CYLD: variants seen among roughly 807,000 people sequenced by gnomAD.
CYLD encodes CYLD lysine 63 deubiquitinase, also known as ubiquitin carboxyl-terminal hydrolase CYLD.
A neutral mutation model predicts 104.5 loss-of-function variants in CYLD; 26 were observed. That is an observed-to-expected ratio of 0.25 (90% confidence interval 0.18 to 0.35). The LOEUF is 0.35. Among genes scored for constraint, CYLD ranks in the 10% least tolerant of loss-of-function variants. The pLI, the probability that CYLD is intolerant of heterozygous loss-of-function variation, is 1.00. For synonymous variants in CYLD, 385 were observed against 399.9 expected (o/e 0.96, Z 0.45); for missense variants, 703 against 1,136.1 (o/e 0.62, Z 5.48).
At chr16:50,777,005 C>T (rs560946428) in intron 7 of CYLD, among the ~76,000 whole-genome samples, 1 of 152,164 alleles carries the variant, frequency 6.6e-6, no homozygotes, top group South Asian at 2.1e-4. Flanking sequence ...TTATGTTAAC[C>T]TATAGATCTA....
chr16:50,750,284 C>A, intron 3 of CYLD, 82 bp downstream of exon 3: 3 of 1,479,934 alleles, frequency 2.0e-6, no homozygotes, highest in Non-Finnish European at 2.8e-6. Flanking sequence ...ACATATTTTT[C>A]TCCTTAAATA....
At position 50,800,425 on chromosome 16, in the gene CYLD, T is replaced by A. The variant is rs1339544569; in HGVS notation, c.*3917T>A. ...GGGTACTTGGATGTTTATCATACTG[T>A]TTCTCTGTGTTTACATACTAATTTG... On this transcript the variant is annotated 3_prime_UTR_variant, in exon 19 of 19. Coordinates refer to ENST00000427738, the MANE Select transcript of CYLD (RefSeq NM_001378743.1). The A allele has an allele frequency of 8.6e-6, 2 of 233,264 alleles. No individual in the cohort carries two copies. The highest frequency in any genetic ancestry group is 1.7e-5 in the Non-Finnish European group (2 of 118,034). 14.4% of individuals were successfully genotyped at this position (233,264 alleles called of 1,614,324 possible).
In CYLD at chr16:50,794,500, C is replaced by G; in HGVS notation, c.2686+72C>G. 7.3e-7 allele frequency: 1 copy of G among 1,364,176 alleles called. No individual in the cohort carries two copies. Among genetic ancestry groups the G allele is most frequent in the Non-Finnish European group, 1.0e-6 (1 of 954,908 alleles). 84.5% of individuals were successfully genotyped at this position (1,364,176 alleles called of 1,614,324 possible). A position where few individuals can be genotyped will look rare whatever the true frequency, so the allele number is the denominator to read the frequency against. ...GTAGTGGGACAGTTTGTAGTGGGAT[C>G]GCCTGTTCTGAGTGATATTTTCTGA... is the stretch of plus-strand genomic sequence containing the variant. On this transcript the variant is annotated intron_variant, in intron 18 of 18. Transcript: ENST00000427738. The surrounding 1 kb of genome is among the most constrained non-coding windows in gnomAD (Gnocchi z 4.1).
intron 5 of CYLD, among the ~76,000 whole-genome samples, chr16:50,760,851 T>G (rs906414017): frequency 2.6e-5 from 4 of 152,204 alleles, no homozygotes; most frequent in African/African-American, 9.7e-5. Context: ...TGCGTTGGTA[T>G]TGTTCTGGAT....
At chr16:50,784,722 A>G in intron 12 of CYLD, 1 of 376,650 alleles carries the variant, frequency 2.7e-6, no homozygotes, top group South Asian at 2.4e-5. Context: ...CAATTGCAGT[A>G]TGTTTAGGAA....
At chr16:50,769,536 G>A (rs944819997) in intron 5 of CYLD, among the ~76,000 whole-genome samples, 7 of 152,130 alleles carry the variant, frequency 4.6e-5, no homozygotes, top group Admixed American at 3.9e-4. Flanking sequence ...ATTGGGTTTT[G>A]AGAGTTATTT....
chr16:50,795,253 G>C (rs952254643), intron 18 of CYLD, among the ~76,000 whole-genome samples: 1 of 152,218 alleles, frequency 6.6e-6, no homozygotes, highest in Non-Finnish European at 1.5e-5. Flanking sequence ...GCCAAAAGCT[G>C]AGAGCAGAAG....
chr16:50,751,458 C>CA (rs1480758540), intron 3 of CYLD, 146 bp from the exon 4 acceptor site: 1 of 586,820 alleles, frequency 1.7e-6, no homozygotes, highest in African/African-American at 1.9e-5. Context: ...CTAAATCCAA[C>CA]AGAAACTGCT....
At chr16:50,776,326 T>G (rs1010157682) in intron 7 of CYLD, 49 bp downstream of exon 7, 3 of 1,248,606 alleles carry the variant, frequency 2.4e-6, no homozygotes, top group African/African-American at 2.9e-5. Context: ...AATGCCTAAC[T>G]TGCCATAGCA....
At chr16:50,775,757 T>G (rs1157532710) in intron 6 of CYLD, among the ~76,000 whole-genome samples, 1 of 152,214 alleles carries the variant, frequency 6.6e-6, no homozygotes, top group Non-Finnish European at 1.5e-5. Flanking sequence ...TTATCTTTGT[T>G]TATCTCAGCA....
At chr16:50,742,901 G>A (rs1273609092) in intron 2 of CYLD, 60 bp downstream of exon 2, 5 of 392,294 alleles carry the variant, frequency 1.3e-5, no homozygotes, top group African/African-American at 2.1e-5. Flanking sequence ...GGGGCGAATG[G>A]GGGGCGGGGG....
intron 3 of CYLD, 56 bp downstream of exon 3, chr16:50,750,258 G>C: frequency 6.3e-7 from 1 of 1,578,910 alleles, no homozygotes; most frequent in Non-Finnish European, 8.7e-7. Flanking sequence ...GTGTGTCTGT[G>C]TATTTGTATG....
At chr16:50,771,343 T>C (rs150197595) in intron 5 of CYLD, among the ~76,000 whole-genome samples, 1 of 152,248 alleles carries the variant, frequency 6.6e-6, no homozygotes, top group East Asian at 1.9e-4. Context: ...ATCAGTACTC[T>C]AACCTTCTTT....
chr16:50,791,583 T>A lies in CYLD; in HGVS notation c.2134T>A (p.Cys712Ser). The A allele has an allele frequency of 6.2e-7, 1 of 1,613,894 alleles. No individual in the cohort carries two copies. The highest frequency in any genetic ancestry group is 8.5e-7 in the Non-Finnish European group (1 of 1,179,854). ...ATCAGCAGGTCAAAAGGTACAAGATTGTTACTTCTATCAAATTTTTATGGA... is the reference window on the plus strand; with the variant it reads ...ATCAGCAGGTCAAAAGGTACAAGATAGTTACTTCTATCAAATTTTTATGGA... ...IRSAGQKVQD[C>S]YFYQIFMEKN... The change falls in exon 15 of 19, where the codon TGT becomes AGT. Residue 712 changes from cysteine (C) to serine (S), a missense_variant. Physicochemically the swap from Cys to Ser is moderately radical, Grantham distance 112. Transcript: ENST00000427738.
At chr16:50,791,725 A>G in intron 15 of CYLD, 35 bp downstream of exon 15, 1 of 1,608,554 alleles carries the variant, frequency 6.2e-7, no homozygotes, top group Non-Finnish European at 8.5e-7. Flanking sequence ...TTTATGTGAA[A>G]GTCTGTGGGA....
intron 8 of CYLD, 27 bp from the exon 9 acceptor site, chr16:50,779,637 AT>A (rs763834010): frequency 1.2e-6 from 2 of 1,609,912 alleles, no homozygotes; most frequent in African/African-American, 1.3e-5. Context: ...CCTTGAATAC[AT>A]TTCTGTAATT....
intron 3 of CYLD, among the ~76,000 whole-genome samples, chr16:50,751,370 C>A (rs1382007060): frequency 2.0e-5 from 3 of 152,166 alleles, no homozygotes; most frequent in South Asian, 4.1e-4. Context: ...CTAGCTTTCT[C>A]ATGATAGAGT....
intron 5 of CYLD, among the ~76,000 whole-genome samples, chr16:50,757,493 A>G (rs964054831): frequency 2.6e-5 from 4 of 152,102 alleles, no homozygotes; most frequent in African/African-American, 9.7e-5. Flanking sequence ...AGGAAAAAGC[A>G]TATATGTGCT....
At position 50,800,157 on chromosome 16, in the gene CYLD, C is replaced by A. The variant is rs1454896122; in HGVS notation, c.*3649C>A. ...ACCTCTTGAGCTTTAGTTTCCTCCT[C>A]TGCATAATGAGAGGGTTAGACTACT... On this transcript the variant is annotated 3_prime_UTR_variant, in exon 19 of 19. Coordinates refer to ENST00000427738, the MANE Select transcript of CYLD (RefSeq NM_001378743.1). The A allele has an allele frequency of 4.3e-6, 1 of 232,898 alleles. No individual in the cohort carries two copies. The allele number at this position is 232,898 out of a possible 1,614,324, so 14.4% of individuals were successfully genotyped here.
Sources: allele counts gnomAD v4.1 joint callset (sites outside exome capture counted in the v4.1 genomes callset), GRCh38; gene constraint gnomAD v4.1.1; non-coding constraint Gnocchi (gnomAD v3.1); transcripts MANE v1.5; gene names NCBI Gene and HGNC (gene_info 2026-07-23, HGNC 2026-07-21).